SETD7: variants seen among roughly 807,000 people sequenced by gnomAD.
SETD7 encodes the protein SET domain containing 7, histone lysine methyltransferase.
Under a neutral mutation model 41.8 loss-of-function variants are expected in SETD7, and 16 were observed. The observed-to-expected ratio is 0.38, with a 90% CI of 0.26 to 0.58. SETD7 has a LOEUF of 0.58. Among genes scored for constraint, SETD7 ranks in the 20% least tolerant of loss-of-function variants. SETD7 has a pLI of 0.64. For synonymous variants in SETD7, 163 were observed against 169.7 expected (o/e 0.96, Z 0.31); for missense variants, 346 against 459.7 (o/e 0.75, Z 2.26).
intron 7 of SETD7, among the ~76,000 whole-genome samples, chr4:139,499,849 C>T (rs547071058): frequency 3.3e-5 from 5 of 152,184 alleles, no homozygotes; most frequent in South Asian, 4.1e-4. Flanking sequence ...TTCTGACAAC[C>T]CTGCCCCATA....
chr4:139,526,407 T>G (rs2725780), intron 4 of SETD7, among the ~76,000 whole-genome samples: 10 of 150,262 alleles, frequency 6.7e-5, no homozygotes, highest in African/African-American at 2.4e-4. Context: ...GTAGCTGAGA[T>G]TACAGACACA....
At chr4:139,496,649 C>T (rs908424405) in intron 7 of SETD7, 2 of 608,414 alleles carry the variant, frequency 3.3e-6, no homozygotes, top group South Asian at 2.0e-5. Context: ...TCTAAATCTT[C>T]TCCATCCTCT....
intron 2 of SETD7, among the ~76,000 whole-genome samples, chr4:139,535,944 C>T (rs775672065): frequency 5.3e-5 from 8 of 152,158 alleles, no homozygotes; most frequent in Non-Finnish European, 8.8e-5. Context: ...GCATTCAAGG[C>T]ACTACCTTTC....
At chr4:139,537,908 A>G (rs1038523496) in intron 2 of SETD7, among the ~76,000 whole-genome samples, 1 of 152,214 alleles carries the variant, frequency 6.6e-6, no homozygotes, top group Non-Finnish European at 1.5e-5. Flanking sequence ...TAACGGTTAA[A>G]TGGGTTAATA....
intron 2 of SETD7, among the ~76,000 whole-genome samples, chr4:139,542,350 C>T (rs953190627): frequency 6.6e-6 from 1 of 152,036 alleles, no homozygotes; most frequent in African/African-American, 2.4e-5. Flanking sequence ...TGACTACAGT[C>T]AACAGTAATA....
intron 7 of SETD7, among the ~76,000 whole-genome samples, chr4:139,513,168 C>T (rs1726927701): frequency 1.3e-5 from 2 of 151,744 alleles, no homozygotes; most frequent in African/African-American, 4.8e-5. Flanking sequence ...CTCTGTAATC[C>T]CAGCACTTTG....
Position 139,529,110 on chromosome 4 carries a change from A to C in SETD7, c.483T>G (p.Asp161Glu). The C allele has an allele frequency of 6.2e-7, 1 of 1,614,062 alleles. No homozygotes were observed. Among genetic ancestry groups the C allele is most frequent in the Non-Finnish European group, 8.5e-7 (1 of 1,179,992 alleles). The change falls in exon 4 of 8, where the codon GAT becomes GAG. Residue 161 changes from aspartate to glutamate, a missense_variant. Physicochemically the swap from Asp to Glu is conservative, Grantham distance 45. Around this residue, in one of 3 missense-constraint regions of SETD7, gnomAD observed 266 missense variants for 377.0 expected, o/e 0.71. Coordinates refer to ENST00000274031, the MANE Select transcript of SETD7 (RefSeq NM_030648.4). ...CCAGTTTGCCTTCTATCATCTCTCC[A>C]TCAATAAATTTCCCATAAAGTGCGG... Reference protein sequence around the residue: ...ERTALYGKFIDGEMIEGKLAT... With the variant: ...ERTALYGKFIEGEMIEGKLAT...
intron 3 of SETD7, among the ~76,000 whole-genome samples, chr4:139,531,101 T>C (rs1727472679): frequency 6.6e-6 from 1 of 152,168 alleles, no homozygotes; most frequent in Non-Finnish European, 1.5e-5. Context: ...ATTTCTCTAC[T>C]GGGTAGGGGT....
At chr4:139,543,921 G>T (rs1357301285) in intron 2 of SETD7, among the ~76,000 whole-genome samples, 1 of 151,908 alleles carries the variant, frequency 6.6e-6, no homozygotes. Flanking sequence ...CCGAGATCGC[G>T]CCGCTGCACT....
intron 2 of SETD7, among the ~76,000 whole-genome samples, chr4:139,543,296 G>T (rs960250140): frequency 6.6e-6 from 1 of 152,206 alleles, no homozygotes; most frequent in African/African-American, 2.4e-5. Context: ...GCTTCATGTA[G>T]AAACAACTGA....
At chr4:139,539,860 A>C (rs1004302178) in intron 2 of SETD7, among the ~76,000 whole-genome samples, 1 of 152,168 alleles carries the variant, frequency 6.6e-6, no homozygotes, top group South Asian at 2.1e-4. Flanking sequence ...CCATGTGAGG[A>C]TATCAGGAGA....
chr4:139,534,978 T>C (rs928298454), intron 2 of SETD7, among the ~76,000 whole-genome samples: 3 of 152,238 alleles, frequency 2.0e-5, no homozygotes, highest in African/African-American at 7.2e-5. Context: ...TAGTTTTCTT[T>C]CAGTTTTATT....
At chr4:139,554,172 C>T (rs1333548645) in intron 1 of SETD7, among the ~76,000 whole-genome samples, 1 of 152,178 alleles carries the variant, frequency 6.6e-6, no homozygotes, top group Admixed American at 6.5e-5. Context: ...CTCTCATTCT[C>T]AAGGGGGTTC....
rs1726727170 is a variant in SETD7 at position 139,507,183 on chromosome 4, G to C, written c.*4480C>G. The C allele has an allele frequency of 6.5e-6, 1 of 152,826 alleles. No homozygotes were observed. Among genetic ancestry groups the C allele is most frequent in the Non-Finnish European group, 1.5e-5 (1 of 68,180 alleles). The allele number at this position is 152,826 out of a possible 1,614,324, so 9.5% of individuals were successfully genotyped here. A position where few individuals can be genotyped will look rare whatever the true frequency, so the allele number is the denominator to read the frequency against. On this transcript the variant is annotated 3_prime_UTR_variant, in exon 8 of 8. Transcript: ENST00000274031. ...TTCGAGGTTCACATGGCCAAGTCTG[G>C]CTTCTGATTCTGCTGCCCTGCAAAG... is the stretch of plus-strand genomic sequence containing the variant.
chr4:139,500,594 C>T (rs1286296170), intron 7 of SETD7, among the ~76,000 whole-genome samples: 2 of 152,148 alleles, frequency 1.3e-5, no homozygotes, highest in African/African-American at 2.4e-5. Context: ...CTGCAACCTC[C>T]GCCTCCCAGT....
chr4:139,546,964 G>T lies in SETD7; in HGVS notation c.126C>A (p.His42Gln), dbSNP rs141627277. 1.2e-6 allele frequency: 2 copies of T among 1,614,124 alleles called. No homozygotes were observed. The highest frequency in any genetic ancestry group is 1.7e-6 in the Non-Finnish European group (2 of 1,180,034). The change falls in exon 2 of 8, where the codon CAC becomes CAA. Residue 42 changes from histidine (H) to glutamine (Q), a missense_variant. His to Gln is a conservative substitution (Grantham distance 24, BLOSUM62 0). This residue lies in a region of SETD7 where 266 missense variants were observed against 377.0 expected (regional missense o/e 0.71). Coordinates refer to ENST00000274031, the MANE Select transcript of SETD7 (RefSeq NM_030648.4). ...ACTTCCCCCGTCCGTTCTTTTCTCC[G>T]TGAACAAAGTTCCCCTCAAATCTGT... ...STDRFEGNFV[H>Q]GEKNGRGKFF...
rs1333590714 is a variant in SETD7, at chr4:139,550,745, CA to C, written c.41-3697del. Among the ~76,000 whole-genome samples the C allele has an allele frequency of 8.5e-5, 13 of 152,244 alleles. No homozygotes were observed. The East Asian group carries it at 1.9e-3, about 23-fold the overall frequency. On this transcript the variant is annotated intron_variant, in intron 1 of 7. Coordinates refer to ENST00000274031, the MANE Select transcript of SETD7 (RefSeq NM_030648.4). ...CATGTCAGTAAGTCAATTTAATGCA[CA>C]GGGGTACTGATAAACAGAGGAGAAA... is the stretch of plus-strand genomic sequence containing the variant.
At chr4:139,497,717 G>A (rs1466231135) in intron 7 of SETD7, among the ~76,000 whole-genome samples, 1 of 151,724 alleles carries the variant, frequency 6.6e-6, no homozygotes, top group East Asian at 2.0e-4. Context: ...AGCCTCCTGA[G>A]TAGCTGGGAT....
chr4:139,547,254 TAC>T (rs1727987288), intron 1 of SETD7, among the ~76,000 whole-genome samples: 1 of 152,242 alleles, frequency 6.6e-6, no homozygotes, highest in South Asian at 2.1e-4. Flanking sequence ...GATTGTTATG[TAC>T]ACTTTGTGAA....
Sources: gnomAD v4.1 joint callset for allele counts (sites outside exome capture counted in the v4.1 genomes callset) on GRCh38, gnomAD v4.1.1 for gene constraint, gnomAD v4.1.1 regional missense constraint, MANE v1.5 for transcripts, NCBI Gene and HGNC (gene_info 2026-07-23, HGNC 2026-07-21) for gene names.